PDE1C: variants seen among roughly 807,000 people sequenced by gnomAD.
PDE1C encodes the protein dual specificity calcium/calmodulin-dependent 3',5'-cyclic nucleotide phosphodiesterase 1C.
A neutral mutation model predicts 93.1 loss-of-function variants in PDE1C; 62 were observed. That is an observed-to-expected ratio of 0.67 (90% CI 0.54 to 0.82). The LOEUF (loss-of-function observed/expected upper bound fraction) is 0.82. Among genes scored for constraint, PDE1C ranks in the 40% least tolerant of loss-of-function variants. The pLI is 0.00. For synonymous variants in PDE1C, 325 were observed against 310.1 expected (o/e 1.05, Z -0.50); for missense variants, 742 against 884.6 (o/e 0.84, Z 2.04).
At chr7:32,211,432 G>A (rs1346347723) in intron 1 of PDE1C, among the ~76,000 whole-genome samples, 2 of 151,994 alleles carry the variant, frequency 1.3e-5, no homozygotes, top group Non-Finnish European at 2.9e-5. Flanking sequence ...TCAGAACAAT[G>A]GTCAACTATC....
At chr7:31,674,364 TTGAG>T in the PDE1C span, among the ~76,000 whole-genome samples, 1 of 152,190 alleles carries the variant, frequency 6.6e-6, no homozygotes, top group Non-Finnish European at 1.5e-5. Flanking sequence ...TAGTAGGTAT[TTGAG>T]TATTTCCTGT....
At chr7:31,851,730 C>T (rs929662424) in intron 7 of PDE1C, among the ~76,000 whole-genome samples, 3 of 152,134 alleles carry the variant, frequency 2.0e-5, no homozygotes, top group African/African-American at 7.2e-5. Context: ...AAATATGACA[C>T]AAACCAATAA....
chr7:32,216,413 T>A (rs143961475), intron 1 of PDE1C, among the ~76,000 whole-genome samples: 1 of 152,158 alleles, frequency 6.6e-6, no homozygotes, highest in Non-Finnish European at 1.5e-5. Context: ...CACACAAGCA[T>A]AGATTCTCTG....
At chr7:31,844,584 A>G (rs112600407) in intron 9 of PDE1C, among the ~76,000 whole-genome samples, 18 of 151,984 alleles carry the variant, frequency 1.2e-4, no homozygotes, top group African/African-American at 3.9e-4. Flanking sequence ...TTTGCCTCTC[A>G]GCAGTTTGAC....
intron 2 of PDE1C, among the ~76,000 whole-genome samples, chr7:31,978,773 T>C (rs1226599160): frequency 1.3e-5 from 2 of 152,212 alleles, no homozygotes; most frequent in African/African-American, 4.8e-5. Context: ...AAGGAGATCC[T>C]ATGCCTTAAA....
At chr7:32,213,692 C>T (rs1356453786) in intron 1 of PDE1C, among the ~76,000 whole-genome samples, 1 of 152,128 alleles carries the variant, frequency 6.6e-6, no homozygotes, top group Admixed American at 6.5e-5. Context: ...GTAGATGTTC[C>T]GTTTATCAGG....
chr7:32,347,919 A>G (rs532952828), intron 1 of PDE1C, among the ~76,000 whole-genome samples: 22 of 152,288 alleles, frequency 1.4e-4, no homozygotes, highest in African/African-American at 4.6e-4. Flanking sequence ...GAGACAATAA[A>G]TGTAGTTGTT....
At chr7:32,185,109 C>T (rs1315895328) in intron 2 of PDE1C, among the ~76,000 whole-genome samples, 1 of 145,306 alleles carries the variant, frequency 6.9e-6, no homozygotes, top group Non-Finnish European at 1.5e-5. Context: ...GAAACTCTGT[C>T]CCCCCACAAA....
chr7:31,831,633 GA>G (rs928544743), intron 11 of PDE1C, among the ~76,000 whole-genome samples: 2 of 151,976 alleles, frequency 1.3e-5, no homozygotes, highest in Non-Finnish European at 2.9e-5. Context: ...TAGTTGGTCT[GA>G]AAAGAACACA....
intron 3 of PDE1C, among the ~76,000 whole-genome samples, chr7:32,168,776 C>A (rs1319377333): frequency 1.3e-5 from 2 of 152,198 alleles, no homozygotes; most frequent in African/African-American, 2.4e-5. Context: ...CCTTTCAGAA[C>A]TCATCTGTAA....
intron 2 of PDE1C, among the ~76,000 whole-genome samples, chr7:31,912,445 G>A (rs1190275579): frequency 6.6e-6 from 1 of 152,062 alleles, no homozygotes; most frequent in Non-Finnish European, 1.5e-5. Flanking sequence ...CAGTACTTTG[G>A]GAGGCCGAGA....
At chr7:32,390,855 A>C (rs759193911) in intron 1 of PDE1C, among the ~76,000 whole-genome samples, 16 of 152,168 alleles carry the variant, frequency 1.1e-4, no homozygotes, top group Non-Finnish European at 2.1e-4. Context: ...CTTGTCAGAA[A>C]AAAATAAAAT....
chr7:32,259,694 G>A (rs140778808), intron 1 of PDE1C, among the ~76,000 whole-genome samples: 3 of 152,164 alleles, frequency 2.0e-5, no homozygotes, highest in Non-Finnish European at 4.4e-5. Context: ...CAGCCCCAGA[G>A]AAATTCCTTG....
At chr7:31,669,451 A>G in the PDE1C span, among the ~76,000 whole-genome samples, 1 of 152,194 alleles carries the variant, frequency 6.6e-6, no homozygotes, top group East Asian at 1.9e-4. Flanking sequence ...TAAAGGAAGT[A>G]TTATCCCAGT....
At chr7:31,718,350 C>A in the PDE1C span, among the ~76,000 whole-genome samples, 2 of 151,948 alleles carry the variant, frequency 1.3e-5, no homozygotes, top group Non-Finnish European at 2.9e-5. Context: ...GCATGGATAG[C>A]AGATTGAGAA....
intron 17 of PDE1C, among the ~76,000 whole-genome samples, chr7:31,760,769 C>CAT (rs1294367505): frequency 1.3e-5 from 2 of 151,164 alleles, no homozygotes; most frequent in Non-Finnish European, 2.9e-5. Flanking sequence ...TACACACACA[C>CAT]ACACACACAC....
intron 1 of PDE1C, among the ~76,000 whole-genome samples, chr7:32,328,204 G>T (rs370395848): frequency 6.6e-6 from 1 of 152,110 alleles, no homozygotes; most frequent in Non-Finnish European, 1.5e-5. Context: ...CCTTGCCAAG[G>T]CTTGATTTTG....
intron 1 of PDE1C, among the ~76,000 whole-genome samples, chr7:32,255,152 C>A (rs1017488898): frequency 2.0e-5 from 3 of 152,166 alleles, no homozygotes; most frequent in African/African-American, 7.2e-5. Flanking sequence ...AGCGCGTGAA[C>A]CCAGGGTGGC....
At chr7:32,340,450 G>A (rs1369235353) in intron 1 of PDE1C, among the ~76,000 whole-genome samples, 1 of 152,096 alleles carries the variant, frequency 6.6e-6, no homozygotes, top group Non-Finnish European at 1.5e-5. Context: ...GAAGGATGGA[G>A]AACTGATACC....
Sources: allele counts gnomAD v4.1 joint callset (sites outside exome capture counted in the v4.1 genomes callset), GRCh38; gene constraint gnomAD v4.1.1; transcripts MANE v1.5; gene names NCBI Gene and HGNC (gene_info 2026-07-23, HGNC 2026-07-21).